The following TBC1D22A variants were observed in gnomAD, a reference collection of about 807,000 sequenced individuals.
The protein encoded by TBC1D22A is TBC1 domain family member 22A.
TBC1D22A carries 38 observed loss-of-function variants against 60.2 expected under a neutral mutation model. That is an observed-to-expected ratio of 0.63 (90% CI 0.49 to 0.83). The LOEUF is 0.83. Ranked by LOEUF, TBC1D22A falls within the 40% of genes least tolerant of loss-of-function variation. The pLI is 0.00. For missense variants in TBC1D22A, 628 were observed against 701.0 expected (o/e 0.90, Z 1.18); for synonymous variants, 302 against 281.7 (o/e 1.07, Z -0.72).
chr22:47,011,075 C>G lies in TBC1D22A; in HGVS notation c.1201+13366C>G, dbSNP rs538484430. On this transcript the variant is annotated intron_variant, in intron 10 of 12. Transcript: ENST00000337137. ...GCCCCATCAACTGCATAAATGGGCC[C>G]CATCCCCGTACTCAGAGTCCTGCCT... Among the ~76,000 whole-genome samples the G allele has an allele frequency of 2.0e-5, 3 of 152,294 alleles. No homozygotes were observed. The East Asian group carries it at 5.8e-4, about 29-fold the overall frequency.
At chr22:46,834,475 A>G (rs1041780374) in intron 4 of TBC1D22A, among the ~76,000 whole-genome samples, 2 of 151,974 alleles carry the variant, frequency 1.3e-5, no homozygotes, top group Non-Finnish European at 2.9e-5. Context: ...CTCAGTGCCA[A>G]CTCCCTTGGT....
chr22:47,030,793 G>A (rs1466163324), intron 10 of TBC1D22A, among the ~76,000 whole-genome samples: 3 of 152,156 alleles, frequency 2.0e-5, no homozygotes, highest in Non-Finnish European at 4.4e-5. Flanking sequence ...GAATCCTTTC[G>A]GCATGTACAT....
intron 7 of TBC1D22A, among the ~76,000 whole-genome samples, chr22:46,897,367 G>A (rs778793799): frequency 5.3e-5 from 8 of 152,236 alleles, no homozygotes; most frequent in South Asian, 2.1e-4. Context: ...TGCAGAAAGC[G>A]ACCAATGAGA....
At chr22:47,122,295 A>T (rs945247359) in intron 12 of TBC1D22A, among the ~76,000 whole-genome samples, 2 of 152,134 alleles carry the variant, frequency 1.3e-5, no homozygotes, top group Non-Finnish European at 2.9e-5. Context: ...CACCATGACG[A>T]GGTTTCCCGA....
At chr22:46,773,179 G>A (rs2083563274) in intron 1 of TBC1D22A, among the ~76,000 whole-genome samples, 1 of 152,140 alleles carries the variant, frequency 6.6e-6, no homozygotes, top group South Asian at 2.1e-4. Context: ...CTGAACACAG[G>A]CCGTGGAGAT....
At chr22:46,867,163 A>C (rs779326115) in intron 4 of TBC1D22A, among the ~76,000 whole-genome samples, 3 of 152,274 alleles carry the variant, frequency 2.0e-5, no homozygotes, top group African/African-American at 4.8e-5. Context: ...TGAAGAATAG[A>C]TATCAAAACA....
chr22:46,947,361 G>A (rs1409612044), intron 8 of TBC1D22A, among the ~76,000 whole-genome samples: 3 of 152,158 alleles, frequency 2.0e-5, no homozygotes, highest in Non-Finnish European at 2.9e-5. Context: ...TTTGTTCTTA[G>A]TTAAAAAGGC....
chr22:47,039,975 C>T (rs2062786506), intron 11 of TBC1D22A, among the ~76,000 whole-genome samples: 1 of 117,128 alleles, frequency 8.5e-6, no homozygotes, highest in Non-Finnish European at 1.6e-5. Context: ...GACAGAGTCT[C>T]ACTCTGTTGT....
chr22:46,959,796 T>C (rs1023102034), intron 8 of TBC1D22A, among the ~76,000 whole-genome samples: 1 of 152,234 alleles, frequency 6.6e-6, no homozygotes, highest in Non-Finnish European at 1.5e-5. Flanking sequence ...ACTGTCAGCC[T>C]GGACTTGGCT....
chr22:46,990,274 C>T lies in TBC1D22A; in HGVS notation c.1126-7360C>T, dbSNP rs2074889591. On this transcript the variant is annotated intron_variant, in intron 9 of 12. Transcript: ENST00000337137. The surrounding 1 kb of genome is among the most constrained non-coding windows in gnomAD (Gnocchi z 4.6). The stretch of plus-strand genomic sequence containing the variant: ...TTGCCATTTTCCTATTTACTTTCAT[C>T]TTTTCTTATTTGTTCTTTTTTCCCT... Among the ~76,000 whole-genome samples, 1 of 152,128 alleles carries T rather than the reference C, an allele frequency of 6.6e-6. No individual in the cohort carries two copies. The highest frequency in any genetic ancestry group is 2.1e-4 in the South Asian group (1 of 4,822).
chr22:47,046,095 G>A (rs131904), intron 11 of TBC1D22A, among the ~76,000 whole-genome samples: 92,760 of 151,794 alleles, frequency 0.61, 28,885 homozygotes, highest in East Asian at 0.91. Context: ...TGCTCCCTGG[G>A]CCTCTGGGTG....
At chr22:47,006,871 G>C (rs2061609574) in intron 10 of TBC1D22A, among the ~76,000 whole-genome samples, 1 of 152,134 alleles carries the variant, frequency 6.6e-6, no homozygotes, top group Admixed American at 6.5e-5. Context: ...ACCAGTTCTT[G>C]GTGCTGCTCA....
In TBC1D22A at chr22:47,175,425, G is replaced by A. The variant is rs1391531394; in HGVS notation, c.*1799G>A. 1 of 150,552 alleles carries A rather than the reference G, an allele frequency of 6.6e-6. No homozygotes were observed. The highest frequency in any genetic ancestry group is 1.5e-5 in the Non-Finnish European group (1 of 68,098). 9.3% of individuals were successfully genotyped at this position (150,552 alleles called of 1,614,324 possible). ...ATGTCGCTTTGCCGAGATCAGCCCT[G>A]GGAGGATCCCCTTCTCCAGCTCAGA... On this transcript the variant is annotated 3_prime_UTR_variant, in exon 13 of 13. Coordinates refer to ENST00000337137, the MANE Select transcript of TBC1D22A (RefSeq NM_014346.5).
intron 1 of TBC1D22A, among the ~76,000 whole-genome samples, chr22:46,779,323 T>G (rs574294103): frequency 1.3e-5 from 2 of 152,290 alleles, no homozygotes; most frequent in South Asian, 4.1e-4. Flanking sequence ...TGTGGTCTGT[T>G]GTTGACTAAA....
intron 3 of TBC1D22A, among the ~76,000 whole-genome samples, chr22:46,796,139 C>T (rs1029292717): frequency 7.9e-5 from 12 of 151,534 alleles, no homozygotes; most frequent in African/African-American, 2.9e-4. Context: ...GGAGATCCTC[C>T]TGGGGGTTGG....
chr22:46,857,606 T>C (rs2087635659), intron 4 of TBC1D22A, among the ~76,000 whole-genome samples: 1 of 152,158 alleles, frequency 6.6e-6, no homozygotes, highest in Admixed American at 6.5e-5. Flanking sequence ...TTCAGAACAA[T>C]TTCATCATCT....
chr22:47,110,806 A>C (rs906211431), intron 11 of TBC1D22A, among the ~76,000 whole-genome samples: 1 of 152,156 alleles, frequency 6.6e-6, no homozygotes, highest in Non-Finnish European at 1.5e-5. Context: ...AACTAACACC[A>C]TAGCCCCAAG....
chr22:46,882,865 G>C (rs1165067207), intron 5 of TBC1D22A, among the ~76,000 whole-genome samples: 2 of 152,188 alleles, frequency 1.3e-5, no homozygotes, highest in African/African-American at 4.8e-5. Context: ...TTGTGTTTAT[G>C]ATTTGTCATT....
intron 1 of TBC1D22A, chr22:46,774,187 G>A: frequency 2.0e-6 from 2 of 985,574 alleles, no homozygotes; most frequent in Non-Finnish European, 2.4e-6. Flanking sequence ...CCAGGCTGGG[G>A]GAAAACCAGG....
Sources: gnomAD v4.1 joint callset for allele counts (sites outside exome capture counted in the v4.1 genomes callset) on GRCh38, gnomAD v4.1.1 for gene constraint, Gnocchi (gnomAD v3.1) non-coding constraint, MANE v1.5 for transcripts, NCBI Gene and HGNC (gene_info 2026-07-23, HGNC 2026-07-21) for gene names.